NR5A2: variants seen among roughly 807,000 people sequenced by gnomAD.
NR5A2 encodes CYP7A promoter-binding factor.
In NR5A2, 26 loss-of-function variants were observed where a neutral mutation model predicts 62.7. The ratio of observed to expected loss-of-function variants is 0.41; its 90% confidence interval spans 0.30 to 0.58. NR5A2 has a LOEUF of 0.58. NR5A2 is among the 20% of genes least tolerant of loss of function. The pLI is 0.22. For missense variants in NR5A2, 541 were observed against 669.1 expected, an observed-to-expected ratio of 0.81 and a Z score of 2.11; for synonymous variants, 246 against 241.7, an observed-to-expected ratio of 1.02 and a Z score of -0.16.
chr1:200,128,086 G>A lies in NR5A2; in HGVS notation c.1378+7131G>A, dbSNP rs187606857. Reference sequence around the variant, plus strand: ...TTAATTCACTCAGTTTCTAAATACCGTCATCCCTCAGTATATGCAGGGAAT... The same window carrying A: ...TTAATTCACTCAGTTTCTAAATACCATCATCCCTCAGTATATGCAGGGAAT... On this transcript the variant is annotated intron_variant, in intron 7 of 7. Transcript: ENST00000367362. Among the ~76,000 whole-genome samples, 14 of 152,002 alleles carry A rather than the reference G, an allele frequency of 9.2e-5. No individual in the cohort carries two copies. In the East Asian group the frequency reaches 1.4e-3, roughly 15 times the overall value.
intron 5 of NR5A2, among the ~76,000 whole-genome samples, chr1:200,053,571 A>ACACG (rs1039805351): frequency 5.6e-5 from 4 of 70,832 alleles, no homozygotes; most frequent in East Asian, 3.1e-4. Context: ...ATGCACACGC[A>ACACG]CACACACACA....
intron 5 of NR5A2, among the ~76,000 whole-genome samples, chr1:200,051,581 A>T (rs1033902798): frequency 6.6e-6 from 1 of 152,222 alleles, no homozygotes; most frequent in Non-Finnish European, 1.5e-5. Flanking sequence ...AAGGGGTGGG[A>T]GATGTTCCCA....
intron 5 of NR5A2, among the ~76,000 whole-genome samples, chr1:200,087,643 C>T (rs1647793758): frequency 6.6e-6 from 1 of 152,142 alleles, no homozygotes; most frequent in African/African-American, 2.4e-5. Context: ...GATCTGCCTG[C>T]CTCGGCCTCT....
At chr1:200,162,533 C>T (rs1477598032) in intron 7 of NR5A2, among the ~76,000 whole-genome samples, 1 of 152,126 alleles carries the variant, frequency 6.6e-6, no homozygotes, top group Non-Finnish European at 1.5e-5. Flanking sequence ...AACTAGAGGA[C>T]ATAATTGGAT....
intron 7 of NR5A2, among the ~76,000 whole-genome samples, chr1:200,127,275 C>T (rs1182640592): frequency 6.6e-6 from 1 of 152,108 alleles, no homozygotes; most frequent in Non-Finnish European, 1.5e-5. Context: ...CCTTTGAAGA[C>T]ACAGGTTTGA....
chr1:200,056,728 A>G (rs1300080284), intron 5 of NR5A2, among the ~76,000 whole-genome samples: 2 of 152,158 alleles, frequency 1.3e-5, no homozygotes, highest in African/African-American at 4.8e-5. Flanking sequence ...TGATGATCAT[A>G]ACTTCACACT....
intron 2 of NR5A2, among the ~76,000 whole-genome samples, chr1:200,040,054 C>A (rs1188757466): frequency 6.6e-6 from 1 of 152,160 alleles, no homozygotes; most frequent in Admixed American, 6.5e-5. Context: ...TCTATGGCAA[C>A]CCAAGCAGGG....
intron 7 of NR5A2, among the ~76,000 whole-genome samples, chr1:200,157,197 T>G (rs1226127771): frequency 6.6e-6 from 1 of 152,204 alleles, no homozygotes; most frequent in Non-Finnish European, 1.5e-5. Flanking sequence ...AACTGAAACT[T>G]AGAGCAATTT....
rs190675209 is a variant in NR5A2, at chr1:200,113,902, C to T, written c.1230+2581C>T. ...AGGATTTATAAAAAAGAAAAGAGGC[C>T]GGGCACAGTGGCTCACGCCTGTAAT... On this transcript the variant is annotated intron_variant, in intron 6 of 7. Transcript: ENST00000367362. Among the ~76,000 whole-genome samples the T allele has an allele frequency of 1.8e-3, 268 of 152,094 alleles. 6 individuals carry two copies. Among genetic ancestry groups the T allele is most frequent in the Admixed American group, 0.015 (227 of 15,270 alleles).
chr1:200,070,822 T>C, intron 5 of NR5A2, among the ~76,000 whole-genome samples: 1 of 146,890 alleles, frequency 6.8e-6, no homozygotes, highest in Non-Finnish European at 1.5e-5. Flanking sequence ...TTTTGCTCTG[T>C]GTCAATGTGC....
rs537682737 is a variant in NR5A2 at position 200,047,214 on chromosome 1, C to T, written c.464-958C>T. ...GGCCGCAGACTCCACACACCACTGT[C>T]GCAGAAGACTCTCTTGACAGCTTCT... On this transcript the variant is annotated intron_variant, in intron 4 of 7. Transcript: ENST00000367362. 2.3e-4 allele frequency among the ~76,000 whole-genome samples: 35 copies of T among 152,334 alleles called. No individual in the cohort carries two copies. In the South Asian group the frequency reaches 3.9e-3, roughly 17 times the overall value.
chr1:200,132,576 C>T (rs1667012913), intron 7 of NR5A2, among the ~76,000 whole-genome samples: 1 of 152,190 alleles, frequency 6.6e-6, no homozygotes, highest in Admixed American at 6.5e-5. Context: ...CCCCATGTTA[C>T]ATAAATCTCA....
At chr1:200,067,496 C>T (rs1321051977) in intron 5 of NR5A2, among the ~76,000 whole-genome samples, 2 of 152,184 alleles carry the variant, frequency 1.3e-5, no homozygotes, top group African/African-American at 4.8e-5. Context: ...GTGGAGGTTG[C>T]TGTGAGCTGT....
chr1:200,127,106 A>AG, intron 7 of NR5A2, among the ~76,000 whole-genome samples: 1 of 152,110 alleles, frequency 6.6e-6, no homozygotes, highest in African/African-American at 2.4e-5. Context: ...AATTAAAAAA[A>AG]CAAAACTAGA....
intron 7 of NR5A2, among the ~76,000 whole-genome samples, chr1:200,156,387 A>G (rs1395885840): frequency 6.6e-6 from 1 of 152,172 alleles, no homozygotes; most frequent in African/African-American, 2.4e-5. Flanking sequence ...CCATACTTCA[A>G]GTACCCATAC....
intron 7 of NR5A2, among the ~76,000 whole-genome samples, chr1:200,127,399 G>A (rs1423095348): frequency 6.6e-6 from 1 of 151,830 alleles, no homozygotes; most frequent in African/African-American, 2.4e-5. Context: ...CCAAAAGGCC[G>A]GGTACAGTGG....
At chr1:200,052,615 T>C (rs569079129) in intron 5 of NR5A2, among the ~76,000 whole-genome samples, 1 of 152,230 alleles carries the variant, frequency 6.6e-6, no homozygotes, top group South Asian at 2.1e-4. Context: ...TGCTCCTAAT[T>C]AGGCAATTTT....
chr1:200,133,530 CACACATATATATATAT>C (rs71132668), intron 7 of NR5A2, among the ~76,000 whole-genome samples: 25 of 68,584 alleles, frequency 3.6e-4, no homozygotes, highest in Admixed American at 6.8e-4. Context: ...TATATATACA[CACACATATATATATAT>C]ACACATATAT....
intron 7 of NR5A2, among the ~76,000 whole-genome samples, chr1:200,153,201 A>C (rs1027720419): frequency 2.6e-5 from 4 of 152,230 alleles, no homozygotes; most frequent in African/African-American, 9.6e-5. Flanking sequence ...TGGAAGTCTA[A>C]GTAGAGTGGA....
Sources: allele counts gnomAD v4.1 joint callset (sites outside exome capture counted in the v4.1 genomes callset), GRCh38; gene constraint gnomAD v4.1.1; transcripts MANE v1.5; gene names NCBI Gene and HGNC (gene_info 2026-07-23, HGNC 2026-07-21).